Variants in TENM3 observed in about 807,000 individuals in gnomAD.
TENM3 encodes teneurin-3.
In TENM3, 63 loss-of-function variants were observed where a neutral mutation model predicts 255.1. The ratio of observed to expected loss-of-function variants is 0.25; its 90% CI spans 0.20 to 0.30. TENM3 has a LOEUF of 0.30. TENM3 is among the 10% of genes least tolerant of loss of function. The probability of loss-of-function intolerance (pLI) is 1.00; values close to 1 mark genes in which losing one functional copy is unlikely to be tolerated. For missense variants in TENM3, 2,929 were observed against 3,461.1 expected (o/e 0.85, Z 3.86); for synonymous variants, 1,306 against 1,322.3 (o/e 0.99, Z 0.27).
rs560434875 is a variant in TENM3, at chr4:182,669,401, C to T, written c.1112-3604C>T. On this transcript the variant is annotated intron_variant, in intron 6 of 27. Coordinates refer to ENST00000511685, the MANE Select transcript of TENM3 (RefSeq NM_001080477.4). ...TCTCCTGCCTCAGCCTCCCGAGTAG[C>T]TGGGACTACAGGCGCCCGCCACCAC... 7.9e-3 allele frequency among the ~76,000 whole-genome samples: 1,209 copies of T among 152,130 alleles called. 17 individuals are homozygous for T. Among genetic ancestry groups the T allele is most frequent in the African/African-American group, 0.027 (1,125 of 41,496 alleles).
intron 3 of TENM3, among the ~76,000 whole-genome samples, chr4:182,361,339 C>G (rs1485955310): frequency 6.6e-6 from 1 of 152,162 alleles, no homozygotes; most frequent in East Asian, 1.9e-4. Flanking sequence ...CCATTCTCCC[C>G]GTCACTTTCA....
the TENM3 span, among the ~76,000 whole-genome samples, chr4:181,819,262 C>A: frequency 2.6e-5 from 4 of 152,014 alleles, no homozygotes; most frequent in African/African-American, 9.7e-5. Context: ...TTTTGCCCCC[C>A]CAATCGGCCT....
At chr4:181,448,562 C>T in the TENM3 span, among the ~76,000 whole-genome samples, 1 of 151,912 alleles carries the variant, frequency 6.6e-6, no homozygotes, top group African/African-American at 2.4e-5. Flanking sequence ...ATAAATGTCA[C>T]CAGGAAAAAA....
At chr4:181,689,231 C>T in the TENM3 span, among the ~76,000 whole-genome samples, 1 of 152,184 alleles carries the variant, frequency 6.6e-6, no homozygotes, top group Admixed American at 6.5e-5. Flanking sequence ...GATTATATGC[C>T]AGCATTTTAG....
intron 13 of TENM3, among the ~76,000 whole-genome samples, chr4:182,718,094 T>G (rs1579219987): frequency 6.6e-6 from 1 of 152,230 alleles, no homozygotes; most frequent in South Asian, 2.1e-4. Flanking sequence ...CCTTCTCCTT[T>G]TTGAAGGTTC....
At chr4:182,276,399 T>C (rs1413803418) in intron 1 of TENM3, among the ~76,000 whole-genome samples, 1 of 152,216 alleles carries the variant, frequency 6.6e-6, no homozygotes, top group Non-Finnish European at 1.5e-5. Context: ...AGGCCTTTCA[T>C]TCTTCTAGCC....
intron 24 of TENM3, among the ~76,000 whole-genome samples, chr4:182,778,303 G>T (rs1233151004): frequency 2.0e-5 from 3 of 152,112 alleles, no homozygotes; most frequent in Non-Finnish European, 4.4e-5. Flanking sequence ...CTCAAAATTT[G>T]AAAGCCAAAC....
At chr4:182,097,584 T>C in the TENM3 span, among the ~76,000 whole-genome samples, 2 of 152,200 alleles carry the variant, frequency 1.3e-5, no homozygotes, top group African/African-American at 4.8e-5. Flanking sequence ...GACATATATG[T>C]ATTAAGCAGC....
the TENM3 span, among the ~76,000 whole-genome samples, chr4:181,712,700 T>C: frequency 6.6e-6 from 1 of 152,216 alleles, no homozygotes; most frequent in Non-Finnish European, 1.5e-5. Flanking sequence ...GGGACTGCAG[T>C]TTATTATACC....
chr4:182,359,320 G>A (rs1424460150), intron 3 of TENM3, among the ~76,000 whole-genome samples: 1 of 152,028 alleles, frequency 6.6e-6, no homozygotes, highest in East Asian at 1.9e-4. Flanking sequence ...GCACCTCTGG[G>A]AGAATTCGGC....
the TENM3 span, among the ~76,000 whole-genome samples, chr4:181,697,676 G>A: frequency 6.6e-6 from 1 of 152,048 alleles, no homozygotes; most frequent in Non-Finnish European, 1.5e-5. Context: ...ACAGGCGTAA[G>A]CCACTGCGTC....
chr4:182,254,877 A>G (rs1254469340), intron 1 of TENM3, among the ~76,000 whole-genome samples: 3 of 152,166 alleles, frequency 2.0e-5, no homozygotes, highest in Non-Finnish European at 4.4e-5. Context: ...AGGCTGTTAC[A>G]GTCAGCAAAA....
At chr4:181,878,274 T>C in the TENM3 span, among the ~76,000 whole-genome samples, 10 of 151,086 alleles carry the variant, frequency 6.6e-5, no homozygotes, top group African/African-American at 2.4e-4. Context: ...ATAGGTAACA[T>C]ATTGTATAAT....
chr4:181,731,425 C>T, the TENM3 span, among the ~76,000 whole-genome samples: 9 of 152,136 alleles, frequency 5.9e-5, no homozygotes, highest in African/African-American at 2.2e-4. Context: ...GATCCCAGCT[C>T]ACTACAACCT....
the TENM3 span, among the ~76,000 whole-genome samples, chr4:181,661,199 TG>T: frequency 6.6e-6 from 1 of 152,168 alleles, no homozygotes; most frequent in Non-Finnish European, 1.5e-5. Flanking sequence ...CTAATATCGA[TG>T]GGCACAATTC....
the TENM3 span, among the ~76,000 whole-genome samples, chr4:181,789,287 ACT>A: frequency 6.7e-6 from 1 of 149,692 alleles, no homozygotes; most frequent in Non-Finnish European, 1.5e-5. Flanking sequence ...ATGGAGTCTT[ACT>A]CTGTCACCCA....
At chr4:181,969,528 G>A in the TENM3 span, among the ~76,000 whole-genome samples, 7 of 152,110 alleles carry the variant, frequency 4.6e-5, no homozygotes, top group Non-Finnish European at 8.8e-5. Context: ...ACATTTTCAG[G>A]TACAACGCAT....
rs368286434 is a variant in TENM3, at chr4:182,680,607, C to T, written c.1704C>T (p.Ser568=). The T allele has an allele frequency of 6.2e-5, 100 of 1,613,706 alleles. No individual in the cohort carries two copies. The highest frequency in any genetic ancestry group is 8.3e-5 in the Admixed American group (5 of 59,914). ...QYSKGRCLCF[S]GWKGTECDVP... ...CCAAGGGCCGCTGCCTGTGTTTCAG[C>T]GGCTGGAAGGGCACCGAGTGTGATG... The change falls in exon 10 of 28, where the codon AGC becomes AGT. Residue 568 remains serine, a synonymous_variant. Transcript: ENST00000511685.
At chr4:182,525,891 C>A (rs1739110981) in intron 3 of TENM3, among the ~76,000 whole-genome samples, 1 of 152,216 alleles carries the variant, frequency 6.6e-6, no homozygotes, top group Non-Finnish European at 1.5e-5. Flanking sequence ...AAACACTGAA[C>A]AACTCATTAC....
Sources: gnomAD v4.1 joint callset for allele counts (sites outside exome capture counted in the v4.1 genomes callset) on GRCh38, gnomAD v4.1.1 for gene constraint, MANE v1.5 for transcripts, NCBI Gene and HGNC (gene_info 2026-07-23, HGNC 2026-07-21) for gene names.